The following LMO3 variants were observed in gnomAD, a reference collection of about 807,000 sequenced individuals.
LMO3 encodes LIM domain only protein 3.
Under a neutral mutation model 15.8 loss-of-function variants are expected in LMO3, and 2 were observed. The observed-to-expected ratio is 0.13, with a 90% CI of 0.05 to 0.40. LMO3 has a LOEUF of 0.40. Ranked by LOEUF, LMO3 falls within the 10% of genes least tolerant of loss-of-function variation. The pLI is 0.99. For synonymous variants in LMO3, 62 were observed against 63.8 expected, an observed-to-expected ratio of 0.97 and a Z score of 0.13; for missense variants, 86 against 182.2, an observed-to-expected ratio of 0.47 and a Z score of 3.04.
chr12:16,600,291 C>CAAAAAAAAAAAAAAAAAAA (rs35993210), intron 2 of LMO3: 539 of 69,522 alleles, frequency 7.8e-3, no homozygotes, highest in Middle Eastern at 0.012. Context: ...CCTTAAGCTC[C>CAAAAAAAAAAAAAAAAAAA]AAAAAAAAAA....
chr12:16,567,487 GACAA>G (rs1942658598), intron 2 of LMO3: 1 of 152,346 alleles, frequency 6.6e-6, no homozygotes, highest in Non-Finnish European at 1.5e-5. Context: ...GACTGGGGAA[GACAA>G]ACCAGCTGAA....
chr12:16,584,782 T>G lies in LMO3; in HGVS notation c.206+15873A>C, dbSNP rs935754871. 3.3e-5 allele frequency among the ~76,000 whole-genome samples: 5 copies of G among 152,176 alleles called. No individual in the cohort carries two copies. The highest frequency in any genetic ancestry group is 1.2e-4 in the African/African-American group (5 of 41,438). On this transcript the variant is annotated intron_variant, in intron 2 of 3. Coordinates refer to ENST00000537304, the MANE Select transcript of LMO3 (RefSeq NM_018640.5). The surrounding 1 kb of genome is among the most constrained non-coding windows in gnomAD (Gnocchi z 5.2). ...ACAAAGCAGTGCCAAGACTCCTTGT[T>G]AGGCTGAAAGCTCCCAGGAGATTTC...
rs530341525 is a variant in LMO3 at position 16,596,632 on chromosome 12, A to G, written c.206+4023T>C. 6.6e-6 allele frequency among the ~76,000 whole-genome samples: 1 copy of G among 151,804 alleles called. No homozygotes were observed. The highest frequency in any genetic ancestry group is 2.1e-4 in the South Asian group (1 of 4,828). ...AAGAAAGTATTTTGGTATTTCTCCT[A>G]GTTCTATTTAATGCTTGCTGCAAAA... On this transcript the variant is annotated intron_variant, in intron 2 of 3. Transcript: ENST00000537304. The surrounding 1 kb of genome is among the most constrained non-coding windows in gnomAD (Gnocchi z 4.3).
At chr12:16,573,820 T>C (rs1942906468) in intron 2 of LMO3, 1 of 152,156 alleles carries the variant, frequency 6.6e-6, no homozygotes, top group African/African-American at 2.4e-5. Flanking sequence ...CTTTACCACG[T>C]TAAGTGTCGA....
At chr12:16,606,218 A>T (rs2137748601), upstream of LMO3, 1 of 189,140 alleles carries the variant, frequency 5.3e-6, no homozygotes, top group Non-Finnish European at 1.1e-5. Flanking sequence ...AGTTTAAAAT[A>T]ATGAGGTCCT....
In LMO3 at chr12:16,549,803, C is replaced by T. The variant is rs1161605255; in HGVS notation, c.*1419G>A. On this transcript the variant is annotated 3_prime_UTR_variant, in exon 4 of 4. Coordinates refer to ENST00000537304, the MANE Select transcript of LMO3 (RefSeq NM_018640.5). ...GAAGAGGGGATCATATTCTCATTTC[C>T]TTAATTGTAATTTAAATAATCATTC... is the stretch of plus-strand genomic sequence containing the variant. 1.3e-5 allele frequency: 2 copies of T among 152,050 alleles called. No individual in the cohort carries two copies. The highest frequency in any genetic ancestry group is 2.4e-5 in the African/African-American group (1 of 41,416). 9.4% of individuals were successfully genotyped at this position (152,050 alleles called of 1,614,324 possible).
chr12:16,551,838 G>A (rs1942001774), intron 3 of LMO3, among the ~76,000 whole-genome samples: 2 of 151,942 alleles, frequency 1.3e-5, no homozygotes, highest in Non-Finnish European at 2.9e-5. Flanking sequence ...TTATTAAAAT[G>A]TGATTAAATG....
chr12:16,607,215 GTTCTCCATTCACT>G (rs1454598607), upstream of LMO3: 4 of 152,140 alleles, frequency 2.6e-5, no homozygotes, highest in African/African-American at 9.7e-5. Flanking sequence ...CTGTGAACTT[GTTCTCCATTCACT>G]AATGCTGACC....
rs1427346222 is a variant in LMO3 at position 16,560,553 on chromosome 12, A to T, written c.207-15T>A. On this transcript the variant is annotated splice_polypyrimidine_tract_variant and intron_variant, in intron 2 of 3. Coordinates refer to ENST00000537304, the MANE Select transcript of LMO3 (RefSeq NM_018640.5). This position sits in a 1 kb window ranked among gnomAD's most constrained non-coding sequence, Gnocchi z 5.0. ...CACCAAAGAGCCTAGAATAAGAAAC[A>T]TTTTTTTTTTTTTACAAACTCTTAC... 1.3e-5 allele frequency: 18 copies of T among 1,414,916 alleles called. No individual in the cohort carries two copies. Among genetic ancestry groups the T allele is most frequent in the East Asian group, 5.1e-5 (2 of 39,406 alleles). 87.6% of individuals were successfully genotyped at this position (1,414,916 alleles called of 1,614,324 possible).
At chr12:16,602,180 C>T (rs1943842577) in intron 1 of LMO3, 1 of 152,190 alleles carries the variant, frequency 6.6e-6, no homozygotes, top group African/African-American at 2.4e-5. Context: ...ATACAAAACA[C>T]CAAATGTGCA....
chr12:16,584,871 G>A lies in LMO3; in HGVS notation c.206+15784C>T, dbSNP rs1303205127. On this transcript the variant is annotated intron_variant, in intron 2 of 3. Transcript: ENST00000537304. This position sits in a 1 kb window ranked among gnomAD's most constrained non-coding sequence, Gnocchi z 5.2. The stretch of plus-strand genomic sequence containing the variant: ...CTCTGATCCTCTCTTCAAGAATTCA[G>A]GATGCGAGGAAATATTTTCAAACAC... 6.6e-6 allele frequency among the ~76,000 whole-genome samples: 1 copy of A among 152,136 alleles called. No individual in the cohort carries two copies. Among genetic ancestry groups the A allele is most frequent in the Admixed American group, 6.5e-5 (1 of 15,270 alleles).
At chr12:16,581,788 A>G (rs1218332164) in intron 2 of LMO3, among the ~76,000 whole-genome samples, 1 of 152,048 alleles carries the variant, frequency 6.6e-6, no homozygotes, top group African/African-American at 2.4e-5. Context: ...TCTAAAGCAT[A>G]TATATTTTAA....
chr12:16,572,187 G>A (rs1385631062), intron 2 of LMO3, among the ~76,000 whole-genome samples: 1 of 151,800 alleles, frequency 6.6e-6, no homozygotes, highest in African/African-American at 2.4e-5. Context: ...TCTCAATCCA[G>A]TATTAAGAAG....
chr12:16,594,088 C>T lies in LMO3; in HGVS notation c.206+6567G>A, dbSNP rs1237456781. 1.3e-5 allele frequency: 19 copies of T among 1,514,770 alleles called. No individual in the cohort carries two copies. In the East Asian group the frequency reaches 2.0e-4, roughly 16 times the overall value. 93.8% of individuals were successfully genotyped at this position (1,514,770 alleles called of 1,614,324 possible). ...TGAGTGCTATAGTTTGCAATATTAA[C>T]GAATTAGCTGGCGTCAGGTGTTTGA... On this transcript the variant is annotated intron_variant, in intron 2 of 3. Coordinates refer to ENST00000537304, the MANE Select transcript of LMO3 (RefSeq NM_018640.5).
chr12:16,561,179 T>C (rs1184803899), intron 2 of LMO3, among the ~76,000 whole-genome samples: 2 of 152,146 alleles, frequency 1.3e-5, no homozygotes, highest in East Asian at 1.9e-4. Flanking sequence ...ACTGGAATTG[T>C]CTAGGATTTA....
At chr12:16,577,933 C>A (rs545444058) in intron 2 of LMO3, among the ~76,000 whole-genome samples, 2 of 152,260 alleles carry the variant, frequency 1.3e-5, no homozygotes, top group East Asian at 3.9e-4. Context: ...AAATAATTAT[C>A]CATTATTTAT....
chr12:16,588,827 T>C (rs1360145726), intron 2 of LMO3, among the ~76,000 whole-genome samples: 1 of 152,022 alleles, frequency 6.6e-6, no homozygotes, highest in Admixed American at 6.6e-5. Flanking sequence ...TCTTCAATCT[T>C]CTCCTCATGT....
rs1375909361 is a variant in LMO3 at position 16,596,682 on chromosome 12, C to T, written c.206+3973G>A. On this transcript the variant is annotated intron_variant, in intron 2 of 3. Coordinates refer to ENST00000537304, the MANE Select transcript of LMO3 (RefSeq NM_018640.5). This position sits in a 1 kb window ranked among gnomAD's most constrained non-coding sequence, Gnocchi z 4.3. ...ACATTAAATAAAAGCATGTAGAATT[C>T]CTAATTCTAAGACTCTGATTATGCA... is the stretch of plus-strand genomic sequence containing the variant. 6.6e-6 allele frequency among the ~76,000 whole-genome samples: 1 copy of T among 151,622 alleles called. No individual in the cohort carries two copies. The highest frequency in any genetic ancestry group is 1.9e-4 in the East Asian group (1 of 5,186).
In LMO3 at chr12:16,599,483, G is replaced by A. The variant is rs1396261564; in HGVS notation, c.206+1172C>T. The A allele has an allele frequency of 6.6e-6, 1 of 152,022 alleles. No individual in the cohort carries two copies. The highest frequency in any genetic ancestry group is 2.4e-5 in the African/African-American group (1 of 41,400). The allele number at this position is 152,022 out of a possible 1,614,324, so 9.4% of individuals were successfully genotyped here. On this transcript the variant is annotated intron_variant, in intron 2 of 3. Coordinates refer to ENST00000537304, the MANE Select transcript of LMO3 (RefSeq NM_018640.5). The surrounding 1 kb of genome is among the most constrained non-coding windows in gnomAD (Gnocchi z 4.1). The stretch of plus-strand genomic sequence containing the variant: ...AATAGCTGAATTATATACTAAGAAC[G>A]ACCAAATTCCCTAGAAAACACCTCA...
Sources: gnomAD v4.1 joint callset for allele counts (sites outside exome capture counted in the v4.1 genomes callset) on GRCh38, gnomAD v4.1.1 for gene constraint, Gnocchi (gnomAD v3.1) non-coding constraint, MANE v1.5 for transcripts, NCBI Gene and HGNC (gene_info 2026-07-23, HGNC 2026-07-21) for gene names.